COA1: variants seen among roughly 807,000 people sequenced by gnomAD.
The protein encoded by COA1 is cytochrome c oxidase assembly factor 1.
In COA1, 13 loss-of-function variants were observed where a neutral mutation model predicts 16.0. That is an observed-to-expected ratio of 0.81 (90% CI 0.53 to 1.29). The LOEUF (loss-of-function observed/expected upper bound fraction) is 1.29. COA1 is among the 50% of genes most tolerant of loss of function. The pLI, the probability that COA1 is intolerant of heterozygous loss-of-function variation, is 0.00. For missense variants in COA1, 179 were observed against 177.0 expected (o/e 1.01, Z -0.06); for synonymous variants, 65 against 65.7 (o/e 0.99, Z 0.05).
rs560051652 is a variant in COA1 at position 43,665,161 on chromosome 7, G to A, written c.-38-16509C>T. On this transcript the variant is annotated intron_variant, in intron 1 of 5. Coordinates refer to ENST00000223336, the MANE Select transcript of COA1 (RefSeq NM_018224.4). The stretch of plus-strand genomic sequence containing the variant: ...AAAAAATTTCATCCACTATAACACC[G>A]TTATTACTACTGTGAACTACAACTT... 7.4e-4 allele frequency among the ~76,000 whole-genome samples: 112 copies of A among 152,104 alleles called. 1 individual carries two copies. Among genetic ancestry groups the A allele is most frequent in the South Asian group, 2.1e-3 (10 of 4,820 alleles).
intron 6 of COA1, among the ~76,000 whole-genome samples, chr7:43,627,270 TTC>T (rs1361455101): frequency 1.3e-5 from 2 of 152,216 alleles, no homozygotes; most frequent in African/African-American, 4.8e-5. Flanking sequence ...ATTAATACCT[TTC>T]TCTAGTAGTG....
At position 43,719,811 on chromosome 7, in the gene COA1, C is replaced by T. The variant is rs556308192; in HGVS notation, c.-39+9618G>A. On this transcript the variant is annotated intron_variant, in intron 1 of 5. Transcript: ENST00000223336. ...GGTTTCCTTGAATCTATTCTCCCCA[C>T]CTCCTCCAATCAAGGAGCAAAGAGA... 3.5e-4 allele frequency among the ~76,000 whole-genome samples: 54 copies of T among 152,234 alleles called. 1 individual carries two copies. Among genetic ancestry groups the T allele is most frequent in the African/African-American group, 1.2e-3 (51 of 41,512 alleles).
At chr7:43,646,192 G>T in intron 3 of COA1, 1 of 186,714 alleles carries the variant, frequency 5.4e-6, no homozygotes, top group Non-Finnish European at 1.2e-5. Context: ...GAGAGGCCAA[G>T]GGAATCCCCC....
intron 1 of COA1, among the ~76,000 whole-genome samples, chr7:43,686,832 C>T (rs1353145610): frequency 2.6e-5 from 4 of 152,174 alleles, no homozygotes; most frequent in African/African-American, 9.7e-5. Flanking sequence ...GTATATGGTA[C>T]TACCCTATAA....
chr7:43,614,201 G>A (rs1207635390), intron 6 of COA1, among the ~76,000 whole-genome samples: 2 of 152,030 alleles, frequency 1.3e-5, no homozygotes, highest in East Asian at 1.9e-4. Flanking sequence ...ACGTTAAATG[G>A]ATTATGTACA....
intron 6 of COA1, among the ~76,000 whole-genome samples, chr7:43,618,534 G>T (rs572759937): frequency 1.2e-4 from 18 of 152,168 alleles, no homozygotes; most frequent in Non-Finnish European, 1.9e-4. Context: ...TAATTTACCA[G>T]TGTTTCTCAG....
intron 1 of COA1, among the ~76,000 whole-genome samples, chr7:43,667,792 T>C (rs2092980320): frequency 6.6e-6 from 1 of 152,246 alleles, no homozygotes; most frequent in Non-Finnish European, 1.5e-5. Flanking sequence ...AGCCACCTTT[T>C]TGACTTTCGC....
intron 1 of COA1, among the ~76,000 whole-genome samples, chr7:43,665,973 G>T (rs1292509766): frequency 6.6e-6 from 1 of 152,008 alleles, no homozygotes; most frequent in Non-Finnish European, 1.5e-5. Context: ...TGTTCTTTTG[G>T]GACCCTCAAT....
chr7:43,689,813 T>G (rs2094194413), intron 1 of COA1, among the ~76,000 whole-genome samples: 1 of 152,196 alleles, frequency 6.6e-6, no homozygotes, highest in African/African-American at 2.4e-5. Flanking sequence ...TACTTAAATG[T>G]AATGGCATAT....
chr7:43,610,569 A>AG (rs915466220), intron 6 of COA1, among the ~76,000 whole-genome samples: 10 of 151,866 alleles, frequency 6.6e-5, no homozygotes, highest in Non-Finnish European at 1.2e-4. Flanking sequence ...CCAGAGGCTG[A>AG]GGGGGGAGAA....
intron 1 of COA1, among the ~76,000 whole-genome samples, chr7:43,660,775 T>C (rs2092343102): frequency 6.6e-6 from 1 of 152,228 alleles, no homozygotes; most frequent in South Asian, 2.1e-4. Flanking sequence ...AAGTATCTCT[T>C]TCAACCAAGG....
chr7:43,642,803 G>C (rs1377887339), intron 4 of COA1, among the ~76,000 whole-genome samples: 1 of 152,058 alleles, frequency 6.6e-6, no homozygotes, highest in Non-Finnish European at 1.5e-5. Flanking sequence ...ACACATACTT[G>C]GGAAAAAATC....
chr7:43,650,764 CTA>C (rs2090580984), intron 1 of COA1: 1 of 151,370 alleles, frequency 6.6e-6, no homozygotes, highest in Admixed American at 6.6e-5. Context: ...TTCCAAATGA[CTA>C]TGTTTTATAA....
chr7:43,644,773 GGC>G (rs1252041661), intron 4 of COA1, among the ~76,000 whole-genome samples: 61 of 109,032 alleles, frequency 5.6e-4, no homozygotes, highest in African/African-American at 1.3e-3. Context: ...CAGGCAGGCA[GGC>G]AGGCAGGCAG....
At chr7:43,615,493 G>GT (rs2083263554) in intron 6 of COA1, among the ~76,000 whole-genome samples, 1 of 151,892 alleles carries the variant, frequency 6.6e-6, no homozygotes, top group Non-Finnish European at 1.5e-5. Context: ...TTGTACTATA[G>GT]TATTTTATTA....
chr7:43,719,978 C>A (rs10479865), intron 1 of COA1, among the ~76,000 whole-genome samples: 22,368 of 151,956 alleles, frequency 0.15, 2,195 homozygotes, highest in Non-Finnish European at 0.22. Flanking sequence ...GTTTATTCTA[C>A]GTAAAATAAA....
chr7:43,687,665 T>C (rs1427823904), intron 1 of COA1, among the ~76,000 whole-genome samples: 6 of 152,190 alleles, frequency 3.9e-5, no homozygotes, highest in Non-Finnish European at 7.4e-5. Flanking sequence ...TAGTTAGTGA[T>C]TGAGGCAAAA....
chr7:43,638,333 G>A (rs1048724996), downstream of COA1, among the ~76,000 whole-genome samples: 1 of 151,722 alleles, frequency 6.6e-6, no homozygotes, highest in Admixed American at 6.6e-5. Flanking sequence ...CATTAAGCCT[G>A]CTAATGCTAA....
At chr7:43,687,854 G>A (rs1038519893) in intron 1 of COA1, among the ~76,000 whole-genome samples, 10 of 152,086 alleles carry the variant, frequency 6.6e-5, no homozygotes, top group African/African-American at 2.4e-4. Context: ...GATATGGTTT[G>A]GCTGTGTCCC....
Sources: gnomAD v4.1 joint callset for allele counts (sites outside exome capture counted in the v4.1 genomes callset) on GRCh38, gnomAD v4.1.1 for gene constraint, MANE v1.5 for transcripts, NCBI Gene and HGNC (gene_info 2026-07-23, HGNC 2026-07-21) for gene names.